UGT1A10: variants seen among roughly 807,000 people sequenced by gnomAD.
UGT1A10 encodes the protein UDP glucuronosyltransferase family 1 member A10.
In UGT1A10, 49 loss-of-function variants were observed where a neutral mutation model predicts 45.8. That is an observed-to-expected ratio of 1.07 (90% CI 0.85 to 1.36). UGT1A10 has a LOEUF of 1.36. UGT1A10 is among the 40% of genes most tolerant of loss of function. The pLI is 0.00. For missense variants in UGT1A10, 745 were observed against 668.6 expected (o/e 1.11, Z -1.26); for synonymous variants, 284 against 249.7 (o/e 1.14, Z -1.29).
chr2:233,720,934 C>T (rs1372026548), intron 1 of UGT1A10, among the ~76,000 whole-genome samples: 1 of 148,294 alleles, frequency 6.7e-6, no homozygotes, highest in Non-Finnish European at 1.5e-5. Flanking sequence ...TGGTCTTGAA[C>T]TCCTGACCTC....
intron 1 of UGT1A10, chr2:233,729,461 G>A: frequency 6.2e-7 from 1 of 1,614,132 alleles, no homozygotes; most frequent in South Asian, 1.1e-5. Flanking sequence ...AAATTTTTCA[G>A]AAGTATGGCA....
chr2:233,744,126 G>T (rs1692701514), intron 1 of UGT1A10: 3 of 357,170 alleles, frequency 8.4e-6, no homozygotes, highest in Admixed American at 7.7e-5. Context: ...GTGAGGCTCT[G>T]TGAGGCCCTG....
intron 1 of UGT1A10, among the ~76,000 whole-genome samples, chr2:233,668,883 T>C (rs1204944449): frequency 6.6e-6 from 1 of 152,240 alleles, no homozygotes; most frequent in East Asian, 1.9e-4. Flanking sequence ...TCATCTCCTC[T>C]AGCCTGTGAC....
intron 1 of UGT1A10, among the ~76,000 whole-genome samples, chr2:233,718,473 G>C (rs2076656513): frequency 6.6e-6 from 1 of 152,232 alleles, no homozygotes; most frequent in African/African-American, 2.4e-5. Context: ...GCTGCAGCCT[G>C]ATAAATATGG....
chr2:233,712,779 C>G (rs2076254516), intron 1 of UGT1A10, among the ~76,000 whole-genome samples: 1 of 152,186 alleles, frequency 6.6e-6, no homozygotes, highest in Non-Finnish European at 1.5e-5. Flanking sequence ...ATGAGTTTTT[C>G]AAGATAGGAG....
intron 1 of UGT1A10, chr2:233,760,792 G>A (rs1185395607): frequency 1.2e-6 from 2 of 1,613,510 alleles, no homozygotes; most frequent in Non-Finnish European, 1.7e-6. Context: ...TCTGCCCACT[G>A]TATTCTTCTT....
intron 1 of UGT1A10, chr2:233,747,193 C>T (rs1693585956): frequency 1.9e-6 from 3 of 1,603,982 alleles, no homozygotes; most frequent in Non-Finnish European, 2.6e-6. Flanking sequence ...GGACAGTCAG[C>T]TGTCCGTGTC....
At chr2:233,743,943 G>T in intron 1 of UGT1A10, 1 of 1,352,238 alleles carries the variant, frequency 7.4e-7, no homozygotes. Flanking sequence ...GGCCCACCAG[G>T]CACTGGCACA....
chr2:233,723,412 A>G, intron 1 of UGT1A10, among the ~76,000 whole-genome samples: 1 of 132,624 alleles, frequency 7.5e-6, no homozygotes, highest in African/African-American at 3.1e-5. Flanking sequence ...GTTTCACCAT[A>G]CTGGTCAGGC....
At chr2:233,725,255 A>AGAG in intron 1 of UGT1A10, among the ~76,000 whole-genome samples, 1 of 64,006 alleles carries the variant, frequency 1.6e-5, no homozygotes, top group African/African-American at 1.3e-4. Context: ...CAGAGGAGGC[A>AGAG]GAGGCAGAGG....
intron 1 of UGT1A10, among the ~76,000 whole-genome samples, chr2:233,715,111 C>T (rs538311485): frequency 1.3e-5 from 2 of 152,222 alleles, no homozygotes; most frequent in East Asian, 3.9e-4. Flanking sequence ...ATCTCAAATG[C>T]CTGATCTCAA....
At chr2:233,724,379 C>G (rs1274419342) in intron 1 of UGT1A10, among the ~76,000 whole-genome samples, 1 of 145,692 alleles carries the variant, frequency 6.9e-6, no homozygotes, top group South Asian at 2.4e-4. Context: ...GGCTGCCGGG[C>G]GGAGACGCTC....
chr2:233,682,647 C>T, intron 1 of UGT1A10: 1 of 1,613,922 alleles, frequency 6.2e-7, no homozygotes, highest in Non-Finnish European at 8.5e-7. Flanking sequence ...ATTCTCCAAA[C>T]CCCTGTCACG....
In UGT1A10 at chr2:233,668,518, G is replaced by C. The variant is rs749078423; in HGVS notation, c.855+31141G>C. ...GTGAATAGTGCCCCAATAAACATAC[G>C]TGTGCATGTGTCTTTATAGTACCAT... On this transcript the variant is annotated intron_variant, in intron 1 of 4. Transcript: ENST00000344644. Among the ~76,000 whole-genome samples, 9 of 152,242 alleles carry C rather than the reference G, an allele frequency of 5.9e-5. No individual in the cohort carries two copies. The South Asian group carries it at 1.7e-3, about 28-fold the overall frequency.
chr2:233,671,931 TC>T (rs1399944382), intron 1 of UGT1A10: 1 of 1,603,076 alleles, frequency 6.2e-7, no homozygotes, highest in Non-Finnish European at 8.5e-7. Context: ...GCTGCAGTTC[TC>T]TGATGGCTTG....
intron 1 of UGT1A10, chr2:233,717,944 C>T (rs897150817): frequency 6.0e-5 from 27 of 453,468 alleles, no homozygotes; most frequent in African/African-American, 3.6e-4. Context: ...TCTATGCAGA[C>T]TTGCAGAAGA....
At position 233,763,257 on chromosome 2, in the gene UGT1A10, T is replaced by C. The variant is rs187516962; in HGVS notation, c.856-3777T>C. On this transcript the variant is annotated intron_variant, in intron 1 of 4. Transcript: ENST00000344644. ...AATTGTACCTTTTAGTAACCTGTTTTGTCTTGTTGCATGTTTTAATCTGAA... is the reference window on the plus strand; with the variant it reads ...AATTGTACCTTTTAGTAACCTGTTTCGTCTTGTTGCATGTTTTAATCTGAA... 1.1e-3 allele frequency among the ~76,000 whole-genome samples: 161 copies of C among 152,386 alleles called. 7 individuals carry two copies. The South Asian group carries it at 0.032, about 31-fold the overall frequency.
In UGT1A10 at chr2:233,669,372, T is replaced by C. The variant is rs116496121; in HGVS notation, c.855+31995T>C. On this transcript the variant is annotated intron_variant, in intron 1 of 4. Transcript: ENST00000344644. ...AAAAGATAGCCTGCTGGAATTTAGA[T>C]TGGGGTTGTATTAAATTTATAGATC... Among the ~76,000 whole-genome samples the C allele has an allele frequency of 1.2e-4, 19 of 152,158 alleles. 1 individual carries two copies. Among genetic ancestry groups the C allele is most frequent in the Admixed American group, 1.2e-3 (19 of 15,278 alleles).
chr2:233,668,627 C>T (rs1041156940), intron 1 of UGT1A10, among the ~76,000 whole-genome samples: 1 of 152,210 alleles, frequency 6.6e-6, no homozygotes, highest in African/African-American at 2.4e-5. Context: ...TGAGGAATTG[C>T]CACACTGTCT....
Sources: allele counts gnomAD v4.1 joint callset (sites outside exome capture counted in the v4.1 genomes callset), GRCh38; gene constraint gnomAD v4.1.1; transcripts MANE v1.5; gene names NCBI Gene and HGNC (gene_info 2026-07-23, HGNC 2026-07-21).